CNOT6: variants seen among roughly 807,000 people sequenced by gnomAD.
CNOT6 encodes the protein CCR4-NOT transcription complex subunit 6, also known as carbon catabolite repression 4 protein.
Under a neutral mutation model 61.2 loss-of-function variants are expected in CNOT6, and 12 were observed. The observed-to-expected ratio is 0.20, with a 90% CI of 0.13 to 0.32. CNOT6 has a LOEUF of 0.32. Ranked by LOEUF, CNOT6 falls within the 10% of genes least tolerant of loss-of-function variation. The pLI is 1.00. For missense variants in CNOT6, 405 were observed against 663.9 expected, an observed-to-expected ratio of 0.61 and a Z score of 4.28; for synonymous variants, 225 against 240.6, an observed-to-expected ratio of 0.94 and a Z score of 0.60.
intron 1 of CNOT6, among the ~76,000 whole-genome samples, chr5:180,528,784 C>T (rs1184396678): frequency 2.0e-5 from 3 of 152,182 alleles, no homozygotes; most frequent in South Asian, 2.1e-4. Flanking sequence ...TCCCCCACAG[C>T]TGCTGCACCC....
intron 2 of CNOT6, among the ~76,000 whole-genome samples, chr5:180,535,584 G>A (rs956241643): frequency 3.4e-4 from 52 of 152,164 alleles, no homozygotes; most frequent in African/African-American, 1.2e-3. Flanking sequence ...GGTTGAGGCC[G>A]TATCTTTGCT....
chr5:180,522,523 G>A (rs1469722119), intron 1 of CNOT6, among the ~76,000 whole-genome samples: 1 of 152,012 alleles, frequency 6.6e-6, no homozygotes, highest in Non-Finnish European at 1.5e-5. Context: ...GGGCAGCCTC[G>A]CCAGCATCTG....
intron 7 of CNOT6, 112 bp downstream of exon 7, chr5:180,566,089 T>C (rs1760437792): frequency 1.0e-6 from 1 of 989,016 alleles, no homozygotes; most frequent in South Asian, 1.9e-5. Context: ...AAAGTACTGC[T>C]TTTTTCTGTT....
chr5:180,525,272 C>T (rs564627500), intron 1 of CNOT6, among the ~76,000 whole-genome samples: 3 of 152,232 alleles, frequency 2.0e-5, no homozygotes, highest in South Asian at 4.2e-4. Flanking sequence ...TGCGGTGGCT[C>T]ATGCCTCTAA....
At chr5:180,536,745 G>A (rs1307246508) in intron 2 of CNOT6, among the ~76,000 whole-genome samples, 1 of 152,176 alleles carries the variant, frequency 6.6e-6, no homozygotes, top group Non-Finnish European at 1.5e-5. Flanking sequence ...CAAGTAGCTG[G>A]GACTACAGTG....
At chr5:180,503,743 C>G (rs1001554339) in intron 1 of CNOT6, among the ~76,000 whole-genome samples, 1 of 150,408 alleles carries the variant, frequency 6.6e-6, no homozygotes, top group Admixed American at 6.7e-5. Flanking sequence ...GTAGCTGGGA[C>G]TACAGGCGTG....
chr5:180,505,688 C>G (rs1474113958), intron 1 of CNOT6, among the ~76,000 whole-genome samples: 1 of 151,882 alleles, frequency 6.6e-6, no homozygotes. Flanking sequence ...GCTGGGACTA[C>G]AGGCACCCAC....
At position 180,550,118 on chromosome 5, in the gene CNOT6, G is replaced by GTA; in HGVS notation, c.299+3_299+4dup. On this transcript the variant is annotated splice_donor_variant, in intron 3 of 11. Coordinates refer to ENST00000261951, the MANE Select transcript of CNOT6 (RefSeq NM_001370472.1). LOFTEE classifies it high-confidence loss of function. ...AACTCGGAAACATGGTATCACTCAG[G>GTA]TATGCAGATTCAACTTAATACATAC... 1 of 1,612,774 alleles carries GTA rather than the reference G, an allele frequency of 6.2e-7. No individual in the cohort carries two copies. The highest frequency in any genetic ancestry group is 8.5e-7 in the Non-Finnish European group (1 of 1,178,914).
chr5:180,495,380 C>T (rs1561625562), intron 1 of CNOT6: 1 of 152,254 alleles, frequency 6.6e-6, no homozygotes, highest in Non-Finnish European at 1.5e-5. Context: ...AAGCAGTTTT[C>T]TCTGGTAACC....
chr5:180,552,910 AGTCGTTAAC>A (rs1378972180), intron 3 of CNOT6, among the ~76,000 whole-genome samples: 1 of 152,142 alleles, frequency 6.6e-6, no homozygotes, highest in African/African-American at 2.4e-5. Context: ...AGCTCTTTTG[AGTCGTTAAC>A]GAAATGATCA....
intron 4 of CNOT6, among the ~76,000 whole-genome samples, chr5:180,557,303 A>ATTT (rs1561659462): frequency 6.6e-6 from 1 of 152,132 alleles, no homozygotes; most frequent in Non-Finnish European, 1.5e-5. Flanking sequence ...TGTATATTTA[A>ATTT]TTTTTTAAGA....
At chr5:180,498,425 G>T (rs1756715561) in intron 1 of CNOT6, among the ~76,000 whole-genome samples, 1 of 152,218 alleles carries the variant, frequency 6.6e-6, no homozygotes, top group Admixed American at 6.5e-5. Flanking sequence ...TGTGGAGGGT[G>T]TGGGGGCAGT....
At chr5:180,543,744 ATATTAGTC>A (rs1561651264) in intron 2 of CNOT6, among the ~76,000 whole-genome samples, 1 of 151,994 alleles carries the variant, frequency 6.6e-6, no homozygotes, top group African/African-American at 2.4e-5. Flanking sequence ...TCAATATTGG[ATATTAGTC>A]TTTTTTATTT....
chr5:180,495,225 C>T (rs907894437), intron 1 of CNOT6, among the ~76,000 whole-genome samples: 27 of 152,346 alleles, frequency 1.8e-4, no homozygotes, highest in Non-Finnish European at 2.9e-4. Flanking sequence ...TTACCCCCTC[C>T]CCTAAAATGT....
At chr5:180,502,254 C>T (rs1351573895) in intron 1 of CNOT6, among the ~76,000 whole-genome samples, 1 of 152,070 alleles carries the variant, frequency 6.6e-6, no homozygotes. Context: ...AATTGTTTTG[C>T]CTGCGGAATT....
At chr5:180,531,854 C>T (rs1042453715) in intron 2 of CNOT6, among the ~76,000 whole-genome samples, 21 of 152,352 alleles carry the variant, frequency 1.4e-4, no homozygotes, top group East Asian at 1.2e-3. Flanking sequence ...CGTGGCGGCG[C>T]GTGCCTGCAA....
Position 180,560,925 on chromosome 5 carries a change from G to T in CNOT6, c.386-3564G>T, listed in dbSNP as rs867404437. On this transcript the variant is annotated intron_variant, in intron 4 of 11. Transcript: ENST00000261951. ...TTTGTTCTTTTTGTTGTTGTTGGTGGTGGTGGTGGTGTTGGTCTGTGTTCT... is the reference window on the plus strand; with the variant it reads ...TTTGTTCTTTTTGTTGTTGTTGGTGTTGGTGGTGGTGTTGGTCTGTGTTCT... Among the ~76,000 whole-genome samples, 12 of 148,614 alleles carry T rather than the reference G, an allele frequency of 8.1e-5. No individual in the cohort carries two copies. In the East Asian group the frequency reaches 1.0e-3, roughly 12 times the overall value.
Position 180,577,844 on chromosome 5 carries a change from C to G in CNOT6, c.*3644C>G, listed in dbSNP as rs1464433705. ...GGCAGTAACAAGGGCTTTTACTGTT[C>G]TGTTCAGTGGAACCTTCTTGGTCAA... On this transcript the variant is annotated 3_prime_UTR_variant, in exon 12 of 12. Transcript: ENST00000261951. 1.3e-5 allele frequency: 2 copies of G among 152,620 alleles called. No homozygotes were observed. The highest frequency in any genetic ancestry group is 2.9e-5 in the Non-Finnish European group (2 of 68,032). The allele number at this position is 152,620 out of a possible 1,614,324, so 9.5% of individuals were successfully genotyped here. A position where few individuals can be genotyped will look rare whatever the true frequency, so the allele number is the denominator to read the frequency against.
chr5:180,524,931 C>T (rs1758029175), intron 1 of CNOT6, among the ~76,000 whole-genome samples: 1 of 152,166 alleles, frequency 6.6e-6, no homozygotes, highest in Non-Finnish European at 1.5e-5. Flanking sequence ...GGGATGCTGT[C>T]ATCAAGCTCT....
Sources: gnomAD v4.1 joint callset for allele counts (sites outside exome capture counted in the v4.1 genomes callset) on GRCh38, gnomAD v4.1.1 for gene constraint, MANE v1.5 for transcripts, NCBI Gene and HGNC (gene_info 2026-07-23, HGNC 2026-07-21) for gene names.